CXCL17: variants seen among roughly 807,000 people sequenced by gnomAD.
CXCL17 encodes C-X-C motif chemokine ligand 17, also known as C-X-C motif chemokine 17.
A neutral mutation model predicts 15.5 loss-of-function variants in CXCL17; 9 were observed. The observed-to-expected ratio is 0.58, with a 90% CI of 0.35 to 1.01. CXCL17 has a LOEUF of 1.01. CXCL17 is among the 50% of genes least tolerant of loss of function. The pLI, the probability that CXCL17 is intolerant of heterozygous loss-of-function variation, is 0.02. For synonymous variants in CXCL17, 52 were observed against 52.3 expected (o/e 0.99, Z 0.02); for missense variants, 133 against 138.2 (o/e 0.96, Z 0.19).
At chr19:42,439,438 T>C (rs779540015) in intron 1 of CXCL17, among the ~76,000 whole-genome samples, 18 of 150,958 alleles carry the variant, frequency 1.2e-4, no homozygotes, top group Non-Finnish European at 2.5e-4. Context: ...AAAAGTATGA[T>C]GATGCCATAA....
intron 1 of CXCL17, among the ~76,000 whole-genome samples, chr19:42,436,231 C>CTACTT (rs1463494494): frequency 2.0e-5 from 3 of 152,198 alleles, no homozygotes; most frequent in Non-Finnish European, 4.4e-5. Flanking sequence ...TTCAGGCCTC[C>CTACTT]TACTTCCCAG....
intron 3 of CXCL17, 92 bp from the exon 4 acceptor site, chr19:42,429,073 G>T: frequency 1.0e-6 from 1 of 983,088 alleles, no homozygotes; most frequent in Non-Finnish European, 1.6e-6. Context: ...TATTGCCCAG[G>T]CTGGAGTGCA....
chr19:42,442,404 T>G (rs2040902892), intron 1 of CXCL17, among the ~76,000 whole-genome samples: 1 of 151,926 alleles, frequency 6.6e-6, no homozygotes, highest in African/African-American at 2.4e-5. Context: ...TGGCTAATTT[T>G]TTGTATTTTT....
At position 42,439,163 on chromosome 19, in the gene CXCL17, A is replaced by G. The variant is rs919417931; in HGVS notation, c.79+3591T>C. 4.8e-5 allele frequency among the ~76,000 whole-genome samples: 7 copies of G among 146,352 alleles called. 1 individual carries two copies. The South Asian group carries it at 1.4e-3, about 29-fold the overall frequency. On this transcript the variant is annotated intron_variant, in intron 1 of 3. Transcript: ENST00000601181. Reference sequence around the variant, plus strand: ...CAGCTACTCAGGAGGCTGAGGTGGGAGGATCGCTTGAGCCCAGAAGGTGGA... The same window carrying G: ...CAGCTACTCAGGAGGCTGAGGTGGGGGGATCGCTTGAGCCCAGAAGGTGGA...
rs2040739649 is a variant in CXCL17, at chr19:42,428,445, ATG to A, written c.*437_*438del. The stretch of plus-strand genomic sequence containing the variant: ...AGTGAGGGTCTTGGTGGGGATAAGT[ATG>A]TGTAGAATCTGGATTCAGTCTGCAG... On this transcript the variant is annotated 3_prime_UTR_variant, in exon 4 of 4. Coordinates refer to ENST00000601181, the MANE Select transcript of CXCL17 (RefSeq NM_198477.3). The A allele has an allele frequency of 6.4e-6, 1 of 155,212 alleles. No homozygotes were observed. The highest frequency in any genetic ancestry group is 1.4e-5 in the Non-Finnish European group (1 of 70,076). 9.6% of individuals were successfully genotyped at this position (155,212 alleles called of 1,614,324 possible). A position where few individuals can be genotyped will look rare whatever the true frequency, so the allele number is the denominator to read the frequency against.
chr19:42,438,636 A>G (rs1056588255), intron 1 of CXCL17, among the ~76,000 whole-genome samples: 7 of 151,826 alleles, frequency 4.6e-5, no homozygotes, highest in African/African-American at 1.7e-4. Context: ...CCTACTAGCA[A>G]TGGACCTATC....
At chr19:42,430,667 C>T (rs2050088311) in intron 3 of CXCL17, among the ~76,000 whole-genome samples, 1 of 151,060 alleles carries the variant, frequency 6.6e-6, no homozygotes, top group Non-Finnish European at 1.5e-5. Context: ...CTGATCACTG[C>T]TTTCTCTCCC....
intron 1 of CXCL17, among the ~76,000 whole-genome samples, chr19:42,435,712 C>G (rs1275759164): frequency 6.6e-5 from 10 of 151,960 alleles, no homozygotes; most frequent in Admixed American, 2.0e-4. Context: ...TGCCTGTAGT[C>G]CCAGCTACTT....
chr19:42,442,829 T>G lies in CXCL17; in HGVS notation c.4A>C (p.Lys2Gln), dbSNP rs1274024207. The change falls in exon 1 of 4, where the codon AAA (lysine) becomes CAA (glutamine). Residue 2 changes from lysine (K) to glutamine (Q), a missense_variant. By Grantham distance (53) the Lys-to-Gln change is moderately conservative (BLOSUM62 1). Transcript: ENST00000601181. ...AGGAGGAGGGAAGAGATTAGAACTT[T>G]CATCGCAACTGTCGGTGCAGCTGTA... M[K>Q]VLISSLLLLL... 6.2e-7 allele frequency: 1 copy of G among 1,612,990 alleles called. No homozygotes were observed.
chr19:42,429,851 T>C (rs2040759404), intron 3 of CXCL17, among the ~76,000 whole-genome samples: 2 of 152,206 alleles, frequency 1.3e-5, no homozygotes, highest in Non-Finnish European at 2.9e-5. Context: ...GATTATACTA[T>C]ACGTATTGCC....
Position 42,432,141 on chromosome 19 carries a change from G to GTTTTT in CXCL17, c.262+830_262+834dup, listed in dbSNP as rs370344388. Among the ~76,000 whole-genome samples the GTTTTT allele has an allele frequency of 2.6e-3, 283 of 108,600 alleles. 9 individuals are homozygous for GTTTTT. The highest frequency in any genetic ancestry group is 7.5e-3 in the Middle Eastern group (1 of 134). 71.2% of individuals were successfully genotyped at this position (108,600 alleles called of 152,430 possible). ...AATCAGTTTAACATTTGCCAATTTA[G>GTTTTT]TTTTTTTTTTTTTTTTTTTTTGAGG... On this transcript the variant is annotated intron_variant, in intron 3 of 3. Transcript: ENST00000601181.
rs756800200 is a variant in CXCL17, at chr19:42,433,066, T to C, written c.172A>G (p.Arg58Gly). 5 of 1,613,500 alleles carry C rather than the reference T, an allele frequency of 3.1e-6. No individual in the cohort carries two copies. The East Asian group carries it at 1.1e-4, about 36-fold the overall frequency. Reference protein sequence around the residue: ...QECECKDWFLRAPRRKFMTVS... With the variant: ...QECECKDWFLGAPRRKFMTVS... Reference sequence around the variant, plus strand: ...GTCATGAATTTTCTTCTCGGGGCTCTCAGGAACCAATCTGGAACAACAGCA... The same window carrying C: ...GTCATGAATTTTCTTCTCGGGGCTCCCAGGAACCAATCTGGAACAACAGCA... Residue 58 changes from arginine (R) to glycine (G), a missense_variant, in exon 3 of 4, where the codon AGA becomes GGA. Arg to Gly is a moderately radical substitution (Grantham distance 125). Coordinates refer to ENST00000601181, the MANE Select transcript of CXCL17 (RefSeq NM_198477.3).
chr19:42,437,185 C>A (rs924273701), intron 1 of CXCL17, among the ~76,000 whole-genome samples: 2 of 152,168 alleles, frequency 1.3e-5, no homozygotes, highest in African/African-American at 4.8e-5. Flanking sequence ...GATCCGCTCC[C>A]CTCGGCCTCC....
intron 1 of CXCL17, among the ~76,000 whole-genome samples, chr19:42,437,410 T>C (rs948488895): frequency 6.6e-6 from 1 of 152,144 alleles, no homozygotes; most frequent in African/African-American, 2.4e-5. Flanking sequence ...CTAAAATCAG[T>C]TTTGGGAACC....
intron 3 of CXCL17, among the ~76,000 whole-genome samples, chr19:42,432,488 A>G (rs2040793566): frequency 6.6e-6 from 1 of 152,000 alleles, no homozygotes; most frequent in Non-Finnish European, 1.5e-5. Flanking sequence ...GGTAGACTAA[A>G]CTGGGTGTGG....
At chr19:42,438,381 A>AAATATATATATATAT (rs1555793041) in intron 1 of CXCL17, among the ~76,000 whole-genome samples, 1 of 63,860 alleles carries the variant, frequency 1.6e-5, no homozygotes, top group Non-Finnish European at 2.6e-5. Flanking sequence ...AAAAAAAAAA[A>AAATATATATATATAT]ATATATATAT....
At chr19:42,429,003 G>A (rs755328334) in intron 3 of CXCL17, 22 bp from the exon 4 acceptor site, 9 of 1,567,202 alleles carry the variant, frequency 5.7e-6, no homozygotes, top group Non-Finnish European at 7.9e-6. Flanking sequence ...ATAAAGGGGA[G>A]AGGCTAGTGT....
In CXCL17 at chr19:42,432,154, T is replaced by TTC. The variant is rs1291270969; in HGVS notation, c.262+821_262+822insGA. Among the ~76,000 whole-genome samples the TTC allele has an allele frequency of 1.9e-3, 274 of 147,732 alleles. 1 individual carries two copies. Among genetic ancestry groups the TTC allele is most frequent in the African/African-American group, 6.6e-3 (261 of 39,582 alleles). ...TTTGCCAATTTAGTTTTTTTTTTTTTTTTTTTTTGAGGCAGAGTCTCACTC... is the reference window on the plus strand; with the variant it reads ...TTTGCCAATTTAGTTTTTTTTTTTTTTCTTTTTTTTGAGGCAGAGTCTCACTC... On this transcript the variant is annotated intron_variant, in intron 3 of 3. Coordinates refer to ENST00000601181, the MANE Select transcript of CXCL17 (RefSeq NM_198477.3).
chr19:42,429,582 C>T (rs919870785), intron 3 of CXCL17, among the ~76,000 whole-genome samples: 13 of 152,136 alleles, frequency 8.5e-5, no homozygotes, highest in African/African-American at 2.9e-4. Flanking sequence ...CCCGCTTTTG[C>T]CTCCCAAAAT....
Sources: allele counts gnomAD v4.1 joint callset (sites outside exome capture counted in the v4.1 genomes callset), GRCh38; gene constraint gnomAD v4.1.1; transcripts MANE v1.5; gene names NCBI Gene and HGNC (gene_info 2026-07-23, HGNC 2026-07-21).